The following RFLNA variants were observed in gnomAD, a reference collection of about 807,000 sequenced individuals.
RFLNA encodes refilin A, also known as refilin-A.
A neutral mutation model predicts 7.8 loss-of-function variants in RFLNA; 5 were observed. The ratio of observed to expected loss-of-function variants is 0.64; its 90% CI spans 0.34 to 1.35. The LOEUF is 1.35. Ranked by LOEUF, RFLNA falls within the 40% of genes most tolerant of loss-of-function variation. The pLI, the probability that RFLNA is intolerant of heterozygous loss-of-function variation, is 0.04. For missense variants in RFLNA, 278 were observed against 305.5 expected (o/e 0.91, Z 0.67); for synonymous variants, 141 against 131.3 (o/e 1.07, Z -0.50).
Position 124,295,171 on chromosome 12 carries a change from G to T in RFLNA, c.-259G>T. ...GCAGCGCAGCGCAGAGGCGAGGCTG[G>T]GCCCGGCGGGCGGGAGCCGCGGAGG... On this transcript the variant is annotated 5_prime_UTR_variant, in exon 1 of 3. Transcript: ENST00000546355. 1 of 150,044 alleles carries T rather than the reference G, an allele frequency of 6.7e-6. No homozygotes were observed. The highest frequency in any genetic ancestry group is 1.9e-4 in the South Asian group (1 of 5,370). The allele number at this position is 150,044 out of a possible 1,614,324, so 9.3% of individuals were successfully genotyped here.
At chr12:124,308,195 T>C (rs1276934445) in intron 1 of RFLNA, among the ~76,000 whole-genome samples, 1 of 152,168 alleles carries the variant, frequency 6.6e-6, no homozygotes, top group Non-Finnish European at 1.5e-5. Context: ...TTGTCCAGGC[T>C]AGTCTTAAAC....
At position 124,315,248 on chromosome 12, in the gene RFLNA, C is replaced by T. The variant is rs544333339; in HGVS notation, c.*723C>T. 7.7e-5 allele frequency: 12 copies of T among 155,398 alleles called. 1 individual carries two copies. The South Asian group carries it at 1.6e-3, about 21-fold the overall frequency. 9.6% of individuals were successfully genotyped at this position (155,398 alleles called of 1,614,324 possible). A position where few individuals can be genotyped will look rare whatever the true frequency, so the allele number is the denominator to read the frequency against. ...AGTGTCAAAGATTTGGGGCACTGCC[C>T]GTCGAAATGGAAAGGTTGGTGCTCA... On this transcript the variant is annotated 3_prime_UTR_variant, in exon 3 of 3. Coordinates refer to ENST00000546355, the MANE Select transcript of RFLNA (RefSeq NM_001365156.1).
intron 2 of RFLNA, among the ~76,000 whole-genome samples, chr12:124,313,009 A>C (rs1363832888): frequency 6.6e-6 from 1 of 152,184 alleles, no homozygotes; most frequent in East Asian, 1.9e-4. Flanking sequence ...TCTGAGACCC[A>C]CTGCCTGCTG....
chr12:124,290,207 T>C (rs955686589), upstream of RFLNA, among the ~76,000 whole-genome samples: 3 of 152,216 alleles, frequency 2.0e-5, no homozygotes, highest in South Asian at 4.1e-4. The surrounding 1 kb of genome is among the most constrained non-coding windows in gnomAD (Gnocchi z 4.0). Context: ...AAAGTGTATA[T>C]GCATATGTGT....
chr12:124,291,704 C>G (rs1023191619), upstream of RFLNA, among the ~76,000 whole-genome samples: 2 of 148,360 alleles, frequency 1.3e-5, no homozygotes, highest in Admixed American at 1.3e-4. Context: ...GCAAATGGCT[C>G]TCCGTGAAAA....
At chr12:124,297,572 A>G (rs914984717) in intron 1 of RFLNA, among the ~76,000 whole-genome samples, 9 of 152,226 alleles carry the variant, frequency 5.9e-5, no homozygotes, top group Non-Finnish European at 4.4e-5. Context: ...CAACCTGCCC[A>G]AAGTTGCCCA....
In RFLNA at chr12:124,304,245, C is replaced by T. The variant is rs77469631; in HGVS notation, c.208-7573C>T. Among the ~76,000 whole-genome samples, 1,288 of 152,344 alleles carry T rather than the reference C, an allele frequency of 8.5e-3. 14 individuals carry two copies. The highest frequency in any genetic ancestry group is 0.027 in the African/African-American group (1,139 of 41,578). ...CCCTTGGTGTCCAGCCCTGCAGCTCCGCGGGAGTGTCCTGGGCCTTGGCGG... is the reference window on the plus strand; with the variant it reads ...CCCTTGGTGTCCAGCCCTGCAGCTCTGCGGGAGTGTCCTGGGCCTTGGCGG... On this transcript the variant is annotated intron_variant, in intron 1 of 2. Coordinates refer to ENST00000546355, the MANE Select transcript of RFLNA (RefSeq NM_001365156.1).
rs2033888290 is a variant in RFLNA, at chr12:124,295,383, A to G, written c.-47A>G. 4 of 1,120,566 alleles carry G rather than the reference A, an allele frequency of 3.6e-6. No individual in the cohort carries two copies. In the African/African-American group the frequency reaches 4.9e-5, roughly 14 times the overall value. The allele number at this position is 1,120,566 out of a possible 1,614,324, so 69.4% of individuals were successfully genotyped here. The stretch of plus-strand genomic sequence containing the variant: ...TGCCCCGGGCCCCGGAGCGCGGTGG[A>G]GAAGCCCCCGGAGGAGCGGGGGGCC... On this transcript the variant is annotated 5_prime_UTR_variant, in exon 1 of 3. Coordinates refer to ENST00000546355, the MANE Select transcript of RFLNA (RefSeq NM_001365156.1).
At chr12:124,312,016 A>AGGCCAAGCTGGGGGCTC (rs2034254556) in intron 2 of RFLNA, 89 bp downstream of exon 2, 1 of 1,401,902 alleles carries the variant, frequency 7.1e-7, no homozygotes, top group Non-Finnish European at 9.4e-7. Context: ...GGTGGGGACT[A>AGGCCAAGCTGGGGGCTC]GGCCAAGCTG....
At chr12:124,296,100 C>CTTTCTTTCTTTCTTTCTTTCTTTCT (rs1555294100) in intron 1 of RFLNA, among the ~76,000 whole-genome samples, 1 of 5,200 alleles carries the variant, frequency 1.9e-4, no homozygotes, top group Admixed American at 3.6e-3. Flanking sequence ...TTCTTTCTTT[C>CTTTCTTTCTTTCTTTCTTTCTTTCT]TTTCTTTCTT....
At chr12:124,310,222 C>T (rs944519570) in intron 1 of RFLNA, among the ~76,000 whole-genome samples, 11 of 134,020 alleles carry the variant, frequency 8.2e-5, no homozygotes, top group African/African-American at 2.9e-4. Flanking sequence ...GCCTCCTGGC[C>T]CTGCCCTGAG....
rs768678494 is a variant in RFLNA at position 124,311,860 on chromosome 12, C to T, written c.250C>T (p.Pro84Ser). 3 of 1,601,988 alleles carry T rather than the reference C, an allele frequency of 1.9e-6. No individual in the cohort carries two copies. Among genetic ancestry groups the T allele is most frequent in the East Asian group, 2.3e-5 (1 of 43,152 alleles). The stretch of plus-strand genomic sequence containing the variant: ...AAATCCCCCGGCGTCGGAGATGAGG[C>T]CCCGGATGCTGCCAGTGTTCTTTGG... ...LPNPPASEMR[P>S]RMLPVFFGES... The change falls in exon 2 of 3, where the codon CCC (proline) becomes TCC (serine). Residue 84 changes from proline (P) to serine (S), a missense_variant. Pro to Ser is a moderately conservative substitution (Grantham distance 74, BLOSUM62 -1). Transcript: ENST00000546355.
chr12:124,312,675 G>A (rs2135694642), intron 2 of RFLNA, among the ~76,000 whole-genome samples: 1 of 152,280 alleles, frequency 6.6e-6, no homozygotes, highest in South Asian at 2.1e-4. Flanking sequence ...CTTCCACTCT[G>A]TTGTCCAAGC....
chr12:124,306,827 G>C lies in RFLNA; in HGVS notation c.208-4991G>C, dbSNP rs939555701. The stretch of plus-strand genomic sequence containing the variant: ...CGGCGGGGAGGGGACAGATGTAGGA[G>C]ATATCAAGCTAGGTCCCTGCAGGAC... On this transcript the variant is annotated intron_variant, in intron 1 of 2. Transcript: ENST00000546355. This position sits in a 1 kb window ranked among gnomAD's most constrained non-coding sequence, Gnocchi z 5.2. 7.9e-5 allele frequency among the ~76,000 whole-genome samples: 12 copies of C among 152,148 alleles called. No individual in the cohort carries two copies. The highest frequency in any genetic ancestry group is 2.2e-4 in the African/African-American group (9 of 41,420).
At chr12:124,290,995 G>A (rs1440747003), upstream of RFLNA, among the ~76,000 whole-genome samples, 1 of 152,180 alleles carries the variant, frequency 6.6e-6, no homozygotes, top group Non-Finnish European at 1.5e-5. The surrounding 1 kb of genome is among the most constrained non-coding windows in gnomAD (Gnocchi z 4.0). Flanking sequence ...GGCCTCCAAT[G>A]CGCTCAGATG....
intron 2 of RFLNA, among the ~76,000 whole-genome samples, chr12:124,312,725 A>G (rs185015935): frequency 6.6e-6 from 1 of 152,248 alleles, no homozygotes; most frequent in Admixed American, 6.5e-5. Flanking sequence ...GTTCTTTGTG[A>G]CTGTAACTTA....
upstream of RFLNA, among the ~76,000 whole-genome samples, chr12:124,291,133 C>T (rs2033820020): frequency 6.6e-6 from 1 of 152,248 alleles, no homozygotes. Context: ...CCCACATCCA[C>T]CCTAGCAGCC....
upstream of RFLNA, among the ~76,000 whole-genome samples, chr12:124,290,343 T>A (rs962945769): frequency 2.0e-5 from 3 of 151,592 alleles, no homozygotes; most frequent in African/African-American, 7.3e-5. The surrounding 1 kb of genome is among the most constrained non-coding windows in gnomAD (Gnocchi z 4.0). Flanking sequence ...TGCATATGTG[T>A]GTGCATATGT....
chr12:124,295,443 T>G lies in RFLNA; in HGVS notation c.14T>G (p.Leu5Arg). ...CGCCCCCCAGACATGGTGGGCCACC[T>G]GCATCTGCAGGGCATGGAGGACAGC... is the stretch of plus-strand genomic sequence containing the variant. MVGH[L>R]HLQGMEDSLK... is the part of the protein sequence containing the mutation. The change falls in exon 1 of 3, where the codon CTG (leucine) becomes CGG (arginine). Residue 5 changes from leucine to arginine, a missense_variant. Physicochemically the swap from Leu to Arg is moderately radical, Grantham distance 102. Transcript: ENST00000546355. 1 of 1,230,104 alleles carries G rather than the reference T, an allele frequency of 8.1e-7. No individual in the cohort carries two copies. Among genetic ancestry groups the G allele is most frequent in the Non-Finnish European group, 1.0e-6 (1 of 988,114 alleles). The allele number at this position is 1,230,104 out of a possible 1,614,324, so 76.2% of individuals were successfully genotyped here.
Sources: allele counts gnomAD v4.1 joint callset (sites outside exome capture counted in the v4.1 genomes callset), GRCh38; gene constraint gnomAD v4.1.1; non-coding constraint Gnocchi (gnomAD v3.1); transcripts MANE v1.5; gene names NCBI Gene and HGNC (gene_info 2026-07-23, HGNC 2026-07-21).